CADPS: variants seen among roughly 807,000 people sequenced by gnomAD.
CADPS encodes calcium dependent secretion activator.
Under a neutral mutation model 167.3 loss-of-function variants are expected in CADPS, and 57 were observed. The observed-to-expected ratio is 0.34, with a 90% CI of 0.28 to 0.42. The LOEUF (loss-of-function observed/expected upper bound fraction) is 0.42, where lower values mean the gene tolerates loss of function less well. CADPS is among the 20% of genes least tolerant of loss of function. The pLI is 1.00. For synonymous variants in CADPS, 676 were observed against 635.3 expected, an observed-to-expected ratio of 1.06 and a Z score of -0.96; for missense variants, 1,414 against 1,738.1, an observed-to-expected ratio of 0.81 and a Z score of 3.32.
At chr3:62,745,872 A>G (rs2081339884) in intron 3 of CADPS, among the ~76,000 whole-genome samples, 1 of 152,254 alleles carries the variant, frequency 6.6e-6, no homozygotes, top group Admixed American at 6.5e-5. Flanking sequence ...CGCAATAGAC[A>G]TCACTCTTTG....
At chr3:62,612,865 C>T (rs748308367) in intron 6 of CADPS, among the ~76,000 whole-genome samples, 4 of 152,194 alleles carry the variant, frequency 2.6e-5, no homozygotes, top group Non-Finnish European at 5.9e-5. Context: ...ATAGTGAGCA[C>T]CCAAGGCACT....
At chr3:62,403,688 G>A (rs1181234456) in intron 28 of CADPS, 1 of 152,254 alleles carries the variant, frequency 6.6e-6, no homozygotes, top group African/African-American at 2.4e-5. Flanking sequence ...TAGGAATTTA[G>A]GGGCAAGTTT....
intron 1 of CADPS, among the ~76,000 whole-genome samples, chr3:62,811,179 T>C (rs2094375811): frequency 6.6e-6 from 1 of 152,172 alleles, no homozygotes; most frequent in Non-Finnish European, 1.5e-5. Context: ...TCAAGTCAAA[T>C]GCTCCACAAG....
intron 1 of CADPS, among the ~76,000 whole-genome samples, chr3:62,802,097 A>G (rs1390217466): frequency 6.6e-6 from 1 of 152,124 alleles, no homozygotes; most frequent in Non-Finnish European, 1.5e-5. Flanking sequence ...GTTCTGTGTA[A>G]GCAAATAATA....
At chr3:62,461,413 T>C (rs2150299346) in intron 26 of CADPS, among the ~76,000 whole-genome samples, 1 of 152,252 alleles carries the variant, frequency 6.6e-6, no homozygotes, top group East Asian at 1.9e-4. Flanking sequence ...CCCTACCCTG[T>C]GCTGTCTTTT....
At chr3:62,577,609 A>C (rs948409960) in intron 8 of CADPS, among the ~76,000 whole-genome samples, 2 of 152,234 alleles carry the variant, frequency 1.3e-5, no homozygotes, top group African/African-American at 2.4e-5. Flanking sequence ...ATTACAACCA[A>C]CACGACTAAC....
chr3:62,725,089 C>A (rs2076492982), intron 3 of CADPS, among the ~76,000 whole-genome samples: 1 of 152,210 alleles, frequency 6.6e-6, no homozygotes, highest in Non-Finnish European at 1.5e-5. Context: ...TACTTCTGGA[C>A]TACCAGCCTC....
chr3:62,469,747 A>C (rs973301541), intron 24 of CADPS: 2 of 159,182 alleles, frequency 1.3e-5, no homozygotes, highest in South Asian at 2.9e-4. Context: ...TGACCTCGTG[A>C]TCCGCCCACC....
chr3:62,731,982 G>A (rs1035710743), intron 3 of CADPS, among the ~76,000 whole-genome samples: 1 of 151,896 alleles, frequency 6.6e-6, no homozygotes, highest in South Asian at 2.1e-4. Flanking sequence ...AAGGATGTAG[G>A]GGCAGTGCAT....
Position 62,544,425 on chromosome 3 carries a change from AAAC to A in CADPS, c.1966+5475_1966+5477del, listed in dbSNP as rs146758720. Among the ~76,000 whole-genome samples the A allele has an allele frequency of 8.6e-5, 13 of 151,860 alleles. No individual in the cohort carries two copies. Among genetic ancestry groups the A allele is most frequent in the East Asian group, 5.8e-4 (3 of 5,158 alleles). The stretch of plus-strand genomic sequence containing the variant: ...TCGAATCTTTGGAATGGGAAAGGAA[AAAC>A]AACAACAACAACAACAACAACAGCA... On this transcript the variant is annotated intron_variant, in intron 11 of 29. Transcript: ENST00000383710. This position sits in a 1 kb window ranked among gnomAD's most constrained non-coding sequence, Gnocchi z 4.4.
intron 23 of CADPS, 149 bp from the exon 24 acceptor site, chr3:62,474,469 A>C (rs1263387218): frequency 1.5e-6 from 1 of 689,650 alleles, no homozygotes; most frequent in Admixed American, 2.6e-5. Context: ...CTTTTAAATG[A>C]CTTTCCCAAC....
chr3:62,418,003 AAAAAG>A (rs146829961), intron 28 of CADPS, among the ~76,000 whole-genome samples: 3,199 of 152,224 alleles, frequency 0.021, 41 homozygotes, highest in Non-Finnish European at 0.029. Context: ...AGTATCTTAA[AAAAAG>A]AAAAGAAAAG....
At chr3:62,481,904 T>C (rs761137617) in intron 21 of CADPS, 35 bp from the exon 22 acceptor site, 1 of 1,595,842 alleles carries the variant, frequency 6.3e-7, no homozygotes, top group South Asian at 1.1e-5. Flanking sequence ...AAAAATACCA[T>C]CACAGTGACA....
In CADPS at chr3:62,472,154, A is replaced by G. The variant is rs2150548103; in HGVS notation, c.3477+2019T>C. Among the ~76,000 whole-genome samples the G allele has an allele frequency of 1.3e-5, 2 of 152,322 alleles. 1 individual carries two copies. Among genetic ancestry groups the G allele is most frequent in the South Asian group, 4.1e-4 (2 of 4,832 alleles). ...TATATGAAATGTTCAGAATAGTTAAATCCTTAGAGATAGAAAGTATTTTGG... is the reference window on the plus strand; with the variant it reads ...TATATGAAATGTTCAGAATAGTTAAGTCCTTAGAGATAGAAAGTATTTTGG... On this transcript the variant is annotated intron_variant, in intron 24 of 29. Coordinates refer to ENST00000383710, the MANE Select transcript of CADPS (RefSeq NM_003716.4).
chr3:62,719,597 G>C (rs1212992528), intron 3 of CADPS, among the ~76,000 whole-genome samples: 1 of 152,210 alleles, frequency 6.6e-6, no homozygotes, highest in Admixed American at 6.5e-5. Context: ...TCAGTGCCAA[G>C]CACAGTGCCC....
Position 62,434,183 on chromosome 3 carries a change from C to T in CADPS, c.3777+3921G>A, listed in dbSNP as rs148421267. ...TGGAATATTCTCTTACTTTAAATCT[C>T]AGTTTGTTTTGTTTCAAAATGTTAT... On this transcript the variant is annotated intron_variant, in intron 28 of 29. Coordinates refer to ENST00000383710, the MANE Select transcript of CADPS (RefSeq NM_003716.4). Among the ~76,000 whole-genome samples, 349 of 152,238 alleles carry T rather than the reference C, an allele frequency of 2.3e-3. 1 individual carries two copies. The highest frequency in any genetic ancestry group is 7.9e-3 in the African/African-American group (330 of 41,542).
rs76912800 is a variant in CADPS, at chr3:62,642,987, A to C, written c.1325+2735T>G. Among the ~76,000 whole-genome samples the C allele has an allele frequency of 2.2e-3, 335 of 152,270 alleles. 3 individuals are homozygous for C. The East Asian group carries it at 0.028, about 13-fold the overall frequency. On this transcript the variant is annotated intron_variant, in intron 6 of 29. Coordinates refer to ENST00000383710, the MANE Select transcript of CADPS (RefSeq NM_003716.4). ...CCCAAACCTCAAAACAAAACAAAAC[A>C]AAACCACTTGGAGGTAGAGAAAAAC...
chr3:62,865,174 C>T (rs2081459584), intron 1 of CADPS, among the ~76,000 whole-genome samples: 1 of 152,044 alleles, frequency 6.6e-6, no homozygotes, highest in Admixed American at 6.6e-5. Flanking sequence ...CTATGCCTAC[C>T]ATCCTCACCA....
At chr3:62,610,402 C>T (rs2061343386) in intron 6 of CADPS, among the ~76,000 whole-genome samples, 1 of 152,056 alleles carries the variant, frequency 6.6e-6, no homozygotes, top group Non-Finnish European at 1.5e-5. Context: ...AGGCACCCAC[C>T]AACAGGCCTG....
Sources: allele counts gnomAD v4.1 joint callset (sites outside exome capture counted in the v4.1 genomes callset), GRCh38; gene constraint gnomAD v4.1.1; non-coding constraint Gnocchi (gnomAD v3.1); transcripts MANE v1.5; gene names NCBI Gene and HGNC (gene_info 2026-07-23, HGNC 2026-07-21).